Variants in SULF2 observed in about 807,000 individuals in gnomAD.
SULF2 encodes the protein extracellular sulfatase Sulf-2.
Under a neutral mutation model 107.7 loss-of-function variants are expected in SULF2, and 52 were observed. The observed-to-expected ratio is 0.48, with a 90% confidence interval of 0.39 to 0.61. The LOEUF (loss-of-function observed/expected upper bound fraction) is 0.61, where lower values mean the gene tolerates loss of function less well. Among genes scored for constraint, SULF2 ranks in the 20% least tolerant of loss-of-function variants. The pLI, the probability that SULF2 is intolerant of heterozygous loss-of-function variation, is 0.00. For synonymous variants in SULF2, 460 were observed against 464.3 expected (o/e 0.99, Z 0.12); for missense variants, 993 against 1,177.3 (o/e 0.84, Z 2.29).
At chr20:47,742,402 C>A (rs1299547959) in intron 2 of SULF2, among the ~76,000 whole-genome samples, 1 of 152,214 alleles carries the variant, frequency 6.6e-6, no homozygotes, top group Non-Finnish European at 1.5e-5. Context: ...GACCCGGTTT[C>A]TTTCCATGAC....
intron 1 of SULF2, among the ~76,000 whole-genome samples, chr20:47,760,764 A>G (rs1376296223): frequency 1.3e-5 from 2 of 152,098 alleles, no homozygotes; most frequent in Non-Finnish European, 2.9e-5. Flanking sequence ...GGAGCTGGGG[A>G]CACACTCGAT....
intron 16 of SULF2, 100 bp from the exon 17 acceptor site, chr20:47,663,312 A>G: frequency 1.9e-6 from 3 of 1,584,386 alleles, no homozygotes; most frequent in Non-Finnish European, 8.6e-7. Context: ...CCAGTTCGTC[A>G]AATGCCAAGA....
At chr20:47,661,612 T>C in intron 18 of SULF2, 161 bp downstream of exon 18, 2 of 601,100 alleles carry the variant, frequency 3.3e-6, no homozygotes, top group Non-Finnish European at 5.3e-6. Context: ...TTAAAGGTCA[T>C]CTGCCTGCTA....
chr20:47,757,539 T>C (rs55887620), intron 1 of SULF2, 76 bp from the exon 2 acceptor site: 11,499 of 727,004 alleles, frequency 0.016, 110 homozygotes, highest in Non-Finnish European at 0.019. Flanking sequence ...ATGATTTGTA[T>C]GGCGGCTGGC....
chr20:47,755,315 C>T (rs185581104), intron 2 of SULF2, among the ~76,000 whole-genome samples: 30 of 152,322 alleles, frequency 2.0e-4, no homozygotes, highest in African/African-American at 6.5e-4. Context: ...TATCTGCATA[C>T]GCTGTTGGTT....
chr20:47,677,400 CTGTGTGTG>C (rs58936261), intron 8 of SULF2, among the ~76,000 whole-genome samples: 12 of 144,022 alleles, frequency 8.3e-5, no homozygotes, highest in African/African-American at 1.0e-4. Flanking sequence ...ACCCAAGTAA[CTGTGTGTG>C]TGTGTGTGTG....
At chr20:47,768,512 T>C (rs1379887112) in intron 1 of SULF2, among the ~76,000 whole-genome samples, 1 of 152,234 alleles carries the variant, frequency 6.6e-6, no homozygotes, top group African/African-American at 2.4e-5. Flanking sequence ...CTGACTCCCG[T>C]GGCTTCCTGG....
intron 1 of SULF2, among the ~76,000 whole-genome samples, chr20:47,783,476 C>G (rs6094844): frequency 6.6e-6 from 1 of 152,218 alleles, no homozygotes; most frequent in African/African-American, 2.4e-5. Context: ...CAACTGGGTT[C>G]TTTGGACAGC....
At chr20:47,752,515 G>A (rs2090179658) in intron 2 of SULF2, among the ~76,000 whole-genome samples, 1 of 150,054 alleles carries the variant, frequency 6.7e-6, no homozygotes. Context: ...CGGATTGTTT[G>A]AGCTCAGGAG....
chr20:47,778,015 C>T (rs1250864275), intron 1 of SULF2, among the ~76,000 whole-genome samples: 1 of 151,298 alleles, frequency 6.6e-6, no homozygotes, highest in Non-Finnish European at 1.5e-5. Context: ...GTGGCCTGTG[C>T]CTATAGTCCC....
chr20:47,778,283 G>C (rs1042716102), intron 1 of SULF2, among the ~76,000 whole-genome samples: 7 of 152,210 alleles, frequency 4.6e-5, no homozygotes, highest in African/African-American at 1.7e-4. Flanking sequence ...ACACATCTTT[G>C]GTACTATTTG....
At chr20:47,701,874 G>A (rs1385520110) in intron 4 of SULF2, among the ~76,000 whole-genome samples, 1 of 152,088 alleles carries the variant, frequency 6.6e-6, no homozygotes, top group Non-Finnish European at 1.5e-5. Context: ...GGACTGCTGC[G>A]GGCGGTGGTG....
chr20:47,731,905 T>C (rs1307716718), intron 3 of SULF2, among the ~76,000 whole-genome samples: 2 of 152,242 alleles, frequency 1.3e-5, no homozygotes, highest in African/African-American at 4.8e-5. Flanking sequence ...TGGCTGCGTT[T>C]GCATTTTGCT....
At position 47,759,595 on chromosome 20, in the gene SULF2, G is replaced by A. The variant is rs900040317; in HGVS notation, c.-100-2132C>T. Among the ~76,000 whole-genome samples the A allele has an allele frequency of 5.3e-5, 8 of 152,236 alleles. No homozygotes were observed. In the East Asian group the frequency reaches 1.5e-3, roughly 29 times the overall value. ...TAATCCCAGCTACTCGGGAGGCTGA[G>A]GCAGGAGAATCGCTTGAACCTGGGA... is the stretch of plus-strand genomic sequence containing the variant. On this transcript the variant is annotated intron_variant, in intron 1 of 20. Coordinates refer to ENST00000688720, the MANE Select transcript of SULF2 (RefSeq NM_001387048.1).
chr20:47,714,952 C>G (rs1365247512), intron 3 of SULF2, among the ~76,000 whole-genome samples: 1 of 152,164 alleles, frequency 6.6e-6, no homozygotes, highest in Middle Eastern at 3.2e-3. Flanking sequence ...GGGTCGCACT[C>G]TGTCACCCAG....
intron 3 of SULF2, among the ~76,000 whole-genome samples, chr20:47,732,356 A>G (rs2089633307): frequency 6.6e-6 from 1 of 152,264 alleles, no homozygotes; most frequent in Non-Finnish European, 1.5e-5. Flanking sequence ...TCATGCAGGC[A>G]GAAAGCAGCA....
At chr20:47,725,346 A>G (rs959024836) in intron 3 of SULF2, among the ~76,000 whole-genome samples, 2 of 152,252 alleles carry the variant, frequency 1.3e-5, no homozygotes, top group African/African-American at 4.8e-5. Context: ...AGATGACAAT[A>G]AACATAAAAT....
At chr20:47,765,298 G>C (rs1361055949) in intron 1 of SULF2, among the ~76,000 whole-genome samples, 3 of 151,614 alleles carry the variant, frequency 2.0e-5, no homozygotes, top group Non-Finnish European at 4.4e-5. Context: ...AGCCTGCAGT[G>C]AGCCGAGATC....
intron 3 of SULF2, among the ~76,000 whole-genome samples, chr20:47,703,289 T>C (rs540581671): frequency 6.3e-4 from 96 of 152,334 alleles, no homozygotes; most frequent in African/African-American, 2.3e-3. Context: ...AAAACTGCAA[T>C]GGGATATTAA....
Sources: gnomAD v4.1 joint callset for allele counts (sites outside exome capture counted in the v4.1 genomes callset) on GRCh38, gnomAD v4.1.1 for gene constraint, MANE v1.5 for transcripts, NCBI Gene and HGNC (gene_info 2026-07-23, HGNC 2026-07-21) for gene names.